PADI4: variants seen among roughly 807,000 people sequenced by gnomAD.
The protein encoded by PADI4 is peptidyl arginine deiminase 4.
Under a neutral mutation model 75.0 loss-of-function variants are expected in PADI4, and 62 were observed. The ratio of observed to expected loss-of-function variants is 0.83; its 90% CI spans 0.67 to 1.02. The LOEUF (loss-of-function observed/expected upper bound fraction) is 1.02. Ranked by LOEUF, PADI4 falls within the 50% of genes least tolerant of loss-of-function variation. The pLI is 0.00. For missense variants in PADI4, 845 were observed against 850.5 expected (o/e 0.99, Z 0.08); for synonymous variants, 361 against 348.1 (o/e 1.04, Z -0.41).
chr1:17,317,836 C>CAGT (rs373223717), intron 1 of PADI4, among the ~76,000 whole-genome samples: 8 of 152,056 alleles, frequency 5.3e-5, no homozygotes, highest in African/African-American at 1.9e-4. Flanking sequence ...GCCTGGGAAA[C>CAGT]ATACTGAGAC....
chr1:17,313,060 T>C (rs1168346181), intron 1 of PADI4, among the ~76,000 whole-genome samples: 1 of 151,666 alleles, frequency 6.6e-6, no homozygotes, highest in African/African-American at 2.4e-5. Flanking sequence ...CATGGTGGCG[T>C]GCGCCTGTAG....
chr1:17,331,018 G>A lies in PADI4; in HGVS notation c.142G>A (p.Val48Met). 1.9e-6 allele frequency: 3 copies of A among 1,605,332 alleles called. No individual in the cohort carries two copies. Among genetic ancestry groups the A allele is most frequent in the Non-Finnish European group, 2.6e-6 (3 of 1,176,178 alleles). ...CTTCAGCATCAACGCCTCCCCAGGG[G>A]TGGTCGTGGATATTGCCCACGGCCC... ...TSFSINASPGVVVDIAHGPPA... is the reference protein window; with the variant it reads ...TSFSINASPGMVVDIAHGPPA... Residue 48 changes from valine to methionine, a missense_variant, in exon 2 of 16, where the codon GTG becomes ATG. Val to Met is a conservative substitution (Grantham distance 21). Transcript: ENST00000375448.
At chr1:17,337,571 G>T (rs992500078) in intron 4 of PADI4, among the ~76,000 whole-genome samples, 1 of 152,134 alleles carries the variant, frequency 6.6e-6, no homozygotes, top group African/African-American at 2.4e-5. Context: ...CCACTCCTGA[G>T]ATCAAATAAT....
At chr1:17,315,626 G>A (rs545962265) in intron 1 of PADI4, among the ~76,000 whole-genome samples, 1 of 152,018 alleles carries the variant, frequency 6.6e-6, no homozygotes, top group African/African-American at 2.4e-5. Flanking sequence ...TTGCTTCCAT[G>A]GCCCTTCGGG....
Position 17,354,580 on chromosome 1 carries a change from C to G in PADI4, c.1203C>G (p.Ile401Met), listed in dbSNP as rs761485264. 3 of 1,614,010 alleles carry G rather than the reference C, an allele frequency of 1.9e-6. No homozygotes were observed. In the African/African-American group the frequency reaches 4.0e-5, roughly 22 times the overall value. Residue 401 changes from isoleucine (I) to methionine (M), a missense_variant, in exon 11 of 16, where the codon ATC (isoleucine) becomes ATG (methionine). Physicochemically the swap from Ile to Met is conservative, Grantham distance 10. Coordinates refer to ENST00000375448, the MANE Select transcript of PADI4 (RefSeq NM_012387.3). ...CTCGAGGGCCCCAAACAGGGGGTAT[C>G]AGTGGACTGGACTCCTTTGGGAACC... Reference protein sequence around the residue: ...YVTRGPQTGGISGLDSFGNLE... With the variant: ...YVTRGPQTGGMSGLDSFGNLE...
At position 17,363,745 on chromosome 1, in the gene PADI4, T is replaced by G; in HGVS notation, c.1982T>G (p.Met661Arg). ...RKPFSFKWWN[M>R]VP Reference sequence around the variant, plus strand: ...CCCTTCTCCTTCAAGTGGTGGAACATGGTGCCCTGAGCCCATCTTCCCTGG... The same window carrying G: ...CCCTTCTCCTTCAAGTGGTGGAACAGGGTGCCCTGAGCCCATCTTCCCTGG... The change falls in exon 16 of 16, where the codon ATG becomes AGG. Residue 661 changes from methionine (M) to arginine (R), a missense_variant. By Grantham distance (91) the Met-to-Arg change is moderately conservative. Transcript: ENST00000375448. 1 of 1,612,136 alleles carries G rather than the reference T, an allele frequency of 6.2e-7. No individual in the cohort carries two copies. Among genetic ancestry groups the G allele is most frequent in the Non-Finnish European group, 8.5e-7 (1 of 1,178,218 alleles).
intron 1 of PADI4, among the ~76,000 whole-genome samples, chr1:17,315,096 C>G: frequency 6.6e-6 from 1 of 152,214 alleles, no homozygotes; most frequent in South Asian, 2.1e-4. Context: ...CAGGCAGGGA[C>G]AGCCATGGCT....
chr1:17,321,085 G>A (rs1204204617), intron 1 of PADI4, among the ~76,000 whole-genome samples: 1 of 152,208 alleles, frequency 6.6e-6, no homozygotes, highest in Non-Finnish European at 1.5e-5. Flanking sequence ...ACAGAGGGCT[G>A]ATCTCATTTT....
chr1:17,362,689 T>G (rs1255355978), intron 15 of PADI4, among the ~76,000 whole-genome samples: 1 of 152,166 alleles, frequency 6.6e-6, no homozygotes, highest in Non-Finnish European at 1.5e-5. Flanking sequence ...AAATCTAAAT[T>G]TTTAAATTTA....
At chr1:17,334,504 T>C (rs1185227421) in intron 3 of PADI4, 3 of 446,304 alleles carry the variant, frequency 6.7e-6, no homozygotes, top group East Asian at 7.0e-5. Flanking sequence ...AGTTTCACCA[T>C]GTTGGCCAGG....
At chr1:17,338,956 TAATAATC>T (rs1038666509) in intron 5 of PADI4, among the ~76,000 whole-genome samples, 4 of 152,268 alleles carry the variant, frequency 2.6e-5, no homozygotes, top group African/African-American at 9.6e-5. Flanking sequence ...TGACATGCGG[TAATAATC>T]ACAACAGCTG....
At position 17,347,786 on chromosome 1, in the gene PADI4, T is replaced by C. The variant is rs117083579; in HGVS notation, c.1048-155T>C. The C allele has an allele frequency of 5.7e-4, 273 of 476,988 alleles. No homozygotes were observed. In the East Asian group the frequency reaches 8.7e-3, roughly 15 times the overall value. The allele number at this position is 476,988 out of a possible 1,614,324, so 29.5% of individuals were successfully genotyped here. ...GCAAACAGGGGGCAATAAGCTCCGC[T>C]TCTGAGCCCCTTCTCTGAGATCAAA... On this transcript the variant is annotated intron_variant, in intron 9 of 15. Coordinates refer to ENST00000375448, the MANE Select transcript of PADI4 (RefSeq NM_012387.3).
chr1:17,363,432 T>C, intron 15 of PADI4, 90 bp from the exon 16 acceptor site: 2 of 860,616 alleles, frequency 2.3e-6, no homozygotes, highest in Non-Finnish European at 1.9e-6. Flanking sequence ...GGGGCTATTA[T>C]TTCCAAAGGT....
At position 17,311,355 on chromosome 1, in the gene PADI4, G is replaced by C. The variant is rs546481112; in HGVS notation, c.92+3041G>C. Among the ~76,000 whole-genome samples the C allele has an allele frequency of 4.1e-3, 620 of 152,142 alleles. 3 individuals carry two copies. Among genetic ancestry groups the C allele is most frequent in the Middle Eastern group, 6.8e-3 (2 of 292 alleles). On this transcript the variant is annotated intron_variant, in intron 1 of 15. Coordinates refer to ENST00000375448, the MANE Select transcript of PADI4 (RefSeq NM_012387.3). ...CCACCCTGCCTCCAAATGCTGGGGA[G>C]TGGACTCCCCTGGGCACTGCTCCCT...
chr1:17,333,473 C>A (rs538835942), intron 2 of PADI4, among the ~76,000 whole-genome samples: 1 of 152,006 alleles, frequency 6.6e-6, no homozygotes, highest in Non-Finnish European at 1.5e-5. Flanking sequence ...CTCATCTCTT[C>A]CTGAAGAAAC....
chr1:17,342,990 A>G (rs2100745107), intron 8 of PADI4, among the ~76,000 whole-genome samples: 1 of 152,156 alleles, frequency 6.6e-6, no homozygotes, highest in East Asian at 1.9e-4. Flanking sequence ...TAAAATAACC[A>G]GCCTGGCCAA....
In PADI4 at chr1:17,356,605, G is replaced by A. The variant is rs996869035; in HGVS notation, c.1558+146G>A. Reference sequence around the variant, plus strand: ...CACTGTGCCAAGTGCTAGGGAGACTGCATGAACAGGGCAGAACAGCTTGCT... The same window carrying A: ...CACTGTGCCAAGTGCTAGGGAGACTACATGAACAGGGCAGAACAGCTTGCT... On this transcript the variant is annotated intron_variant, in intron 13 of 15. Transcript: ENST00000375448. The surrounding 1 kb of genome is among the most constrained non-coding windows in gnomAD (Gnocchi z 4.1). 3.3e-6 allele frequency: 2 copies of A among 605,990 alleles called. No homozygotes were observed. Among genetic ancestry groups the A allele is most frequent in the African/African-American group, 1.9e-5 (1 of 53,762 alleles). The allele number at this position is 605,990 out of a possible 1,614,324, so 37.5% of individuals were successfully genotyped here. A position where few individuals can be genotyped will look rare whatever the true frequency, so the allele number is the denominator to read the frequency against.
chr1:17,309,606 A>G (rs2073770677), intron 1 of PADI4, among the ~76,000 whole-genome samples: 2 of 152,192 alleles, frequency 1.3e-5, no homozygotes, highest in South Asian at 4.1e-4. Context: ...CAGGAATAGG[A>G]GTGGTTGCCC....
intron 1 of PADI4, among the ~76,000 whole-genome samples, chr1:17,325,113 A>G (rs1479358586): frequency 6.6e-6 from 1 of 152,204 alleles, no homozygotes; most frequent in Non-Finnish European, 1.5e-5. Context: ...TCTCGTGTAG[A>G]TTTAAAAATC....
Sources: gnomAD v4.1 joint callset for allele counts (sites outside exome capture counted in the v4.1 genomes callset) on GRCh38, gnomAD v4.1.1 for gene constraint, Gnocchi (gnomAD v3.1) non-coding constraint, MANE v1.5 for transcripts, NCBI Gene and HGNC (gene_info 2026-07-23, HGNC 2026-07-21) for gene names.